The following PRKG1 variants were observed in gnomAD, a reference collection of about 807,000 sequenced individuals.
The protein encoded by PRKG1 is cGMP-dependent protein kinase 1.
Under a neutral mutation model 88.1 loss-of-function variants are expected in PRKG1, and 35 were observed. That is an observed-to-expected ratio of 0.40 (90% CI 0.30 to 0.53). The LOEUF (loss-of-function observed/expected upper bound fraction) is 0.53, where lower values mean the gene tolerates loss of function less well. Ranked by LOEUF, PRKG1 falls within the 20% of genes least tolerant of loss-of-function variation. PRKG1 has a pLI of 0.59. For missense variants in PRKG1, 540 were observed against 839.8 expected (o/e 0.64, Z 4.41); for synonymous variants, 303 against 292.5 (o/e 1.04, Z -0.37).
intron 3 of PRKG1, among the ~76,000 whole-genome samples, chr10:51,727,364 G>T (rs188742319): frequency 6.6e-6 from 1 of 151,768 alleles, no homozygotes; most frequent in East Asian, 1.9e-4. Context: ...TCAGCATTCA[G>T]GATTATGGTG....
chr10:51,176,500 A>G (rs962132331), intron 2 of PRKG1, among the ~76,000 whole-genome samples: 1 of 152,194 alleles, frequency 6.6e-6, no homozygotes, highest in Admixed American at 6.5e-5. Flanking sequence ...TAATAAATGT[A>G]CCTAGTACTG....
intron 5 of PRKG1, among the ~76,000 whole-genome samples, chr10:51,973,378 C>T (rs1387410775): frequency 1.3e-5 from 2 of 152,120 alleles, no homozygotes; most frequent in Admixed American, 6.6e-5. Flanking sequence ...TAGCACCATC[C>T]TCCTTTTCAT....
At chr10:51,740,928 G>GA (rs111889565) in intron 3 of PRKG1, among the ~76,000 whole-genome samples, 117 of 121,312 alleles carry the variant, frequency 9.6e-4, no homozygotes, top group South Asian at 4.6e-3. Flanking sequence ...TCCCAAAACT[G>GA]AAAAAAAAAA....
intron 3 of PRKG1, among the ~76,000 whole-genome samples, chr10:51,777,228 A>T (rs1054004951): frequency 6.6e-6 from 1 of 152,136 alleles, no homozygotes; most frequent in African/African-American, 2.4e-5. Flanking sequence ...ATAATCTTTC[A>T]TCTTCACAAT....
chr10:51,049,481 T>C (rs555906740), intron 1 of PRKG1, among the ~76,000 whole-genome samples: 73 of 152,330 alleles, frequency 4.8e-4, no homozygotes, highest in Non-Finnish European at 8.2e-4. Context: ...TCTTTTTCAT[T>C]CCCCTGCTTT....
intron 8 of PRKG1, among the ~76,000 whole-genome samples, chr10:52,156,303 A>G (rs1441959936): frequency 6.6e-6 from 1 of 152,086 alleles, no homozygotes; most frequent in East Asian, 1.9e-4. Context: ...TATGCACGCT[A>G]TAGCCTTCCT....
intron 9 of PRKG1, among the ~76,000 whole-genome samples, chr10:52,220,375 A>G (rs996951026): frequency 1.3e-5 from 2 of 152,046 alleles, no homozygotes; most frequent in Admixed American, 6.6e-5. Flanking sequence ...TGCAGCTTCA[A>G]TTCTAGTCAG....
At chr10:51,522,760 C>CT (rs1181022421) in intron 3 of PRKG1, among the ~76,000 whole-genome samples, 2 of 151,756 alleles carry the variant, frequency 1.3e-5, no homozygotes, top group East Asian at 1.9e-4. Context: ...AATCTACCTG[C>CT]TTTTTTTTAA....
intron 5 of PRKG1, among the ~76,000 whole-genome samples, chr10:51,954,001 C>T (rs1843244960): frequency 6.6e-6 from 1 of 152,074 alleles, no homozygotes; most frequent in South Asian, 2.1e-4. Flanking sequence ...ATTGTTTTCT[C>T]TCCTAATTAT....
chr10:51,394,043 G>A (rs548887863), intron 2 of PRKG1, among the ~76,000 whole-genome samples: 36 of 152,298 alleles, frequency 2.4e-4, no homozygotes, highest in African/African-American at 8.7e-4. Flanking sequence ...AAGGCCATCA[G>A]CCCTGGACCA....
chr10:51,729,156 G>A (rs1350736492), intron 3 of PRKG1, among the ~76,000 whole-genome samples: 1 of 152,176 alleles, frequency 6.6e-6, no homozygotes, highest in East Asian at 1.9e-4. Context: ...TAGGATTCCA[G>A]CTAGGCAGTT....
chr10:51,852,749 CA>C lies in PRKG1; in HGVS notation c.698+48060del, dbSNP rs1203044544. 2.0e-5 allele frequency among the ~76,000 whole-genome samples: 3 copies of C among 152,278 alleles called. No individual in the cohort carries two copies. The East Asian group carries it at 5.8e-4, about 29-fold the overall frequency. On this transcript the variant is annotated intron_variant, in intron 4 of 17. Transcript: ENST00000373980. ...AAATACTTTGATCCATGAGTTTCAT[CA>C]GATAACTTCTTGTCATCTGGCACCA... is the stretch of plus-strand genomic sequence containing the variant.
chr10:51,716,378 A>G (rs1259566793), intron 3 of PRKG1, among the ~76,000 whole-genome samples: 1 of 152,146 alleles, frequency 6.6e-6, no homozygotes, highest in Non-Finnish European at 1.5e-5. Flanking sequence ...TCTAAAATCC[A>G]TGTCTCAAAA....
chr10:51,210,947 C>T (rs952317479), intron 2 of PRKG1, among the ~76,000 whole-genome samples: 1 of 152,124 alleles, frequency 6.6e-6, no homozygotes, highest in African/African-American at 2.4e-5. Context: ...AGAGGGAATC[C>T]TCCCAAACTC....
At chr10:52,009,712 G>A (rs747673303) in intron 5 of PRKG1, among the ~76,000 whole-genome samples, 2 of 151,922 alleles carry the variant, frequency 1.3e-5, no homozygotes, top group South Asian at 4.1e-4. Context: ...GGCCACATAG[G>A]CAAGGCAATC....
intron 17 of PRKG1, among the ~76,000 whole-genome samples, chr10:52,292,939 G>A (rs1311660274): frequency 6.6e-6 from 1 of 152,026 alleles, no homozygotes; most frequent in African/African-American, 2.4e-5. Context: ...GTAAATAAAG[G>A]GTATTCAATT....
At chr10:51,138,685 T>TTG (rs1554839817) in intron 1 of PRKG1, among the ~76,000 whole-genome samples, 10 of 128,266 alleles carry the variant, frequency 7.8e-5, no homozygotes, top group South Asian at 6.0e-4. Flanking sequence ...GTTTTTTTTT[T>TTG]TTTTTTTTTT....
chr10:51,676,128 G>A (rs1478404893), intron 3 of PRKG1, among the ~76,000 whole-genome samples: 4 of 151,298 alleles, frequency 2.6e-5, no homozygotes, highest in African/African-American at 7.3e-5. Context: ...AAAAAGAAAA[G>A]CAAAAAGACT....
chr10:51,292,398 A>G (rs1238119344), intron 2 of PRKG1, among the ~76,000 whole-genome samples: 1 of 152,192 alleles, frequency 6.6e-6, no homozygotes, highest in Non-Finnish European at 1.5e-5. Flanking sequence ...TTTTAGGACA[A>G]GTGACATAGG....
Sources: gnomAD v4.1 joint callset for allele counts (sites outside exome capture counted in the v4.1 genomes callset) on GRCh38, gnomAD v4.1.1 for gene constraint, MANE v1.5 for transcripts, NCBI Gene and HGNC (gene_info 2026-07-23, HGNC 2026-07-21) for gene names.